The following CUL2 variants were observed in gnomAD, a reference collection of about 807,000 sequenced individuals.
The protein encoded by CUL2 is cullin 2.
CUL2 carries 22 observed loss-of-function variants against 110.2 expected under a neutral mutation model. The ratio of observed to expected loss-of-function variants is 0.20; its 90% CI spans 0.14 to 0.28. CUL2 has a LOEUF of 0.28. CUL2 is among the 10% of genes least tolerant of loss of function. CUL2 has a pLI of 1.00. For missense variants in CUL2, 631 were observed against 905.5 expected (o/e 0.70, Z 3.89); for synonymous variants, 279 against 293.2 (o/e 0.95, Z 0.49).
At chr10:35,121,307 A>C (rs1034185737) in intron 1 of CUL2, among the ~76,000 whole-genome samples, 27 of 152,138 alleles carry the variant, frequency 1.8e-4, no homozygotes, top group Non-Finnish European at 3.2e-4. Flanking sequence ...AGCTCACTGC[A>C]ACCCCCGCCT....
At chr10:35,090,364 G>A (rs1433085300), upstream of CUL2, 2 of 152,330 alleles carry the variant, frequency 1.3e-5, no homozygotes, top group Non-Finnish European at 2.9e-5. Context: ...GCCGGCCGCC[G>A]CCACCGGCCC....
At chr10:35,044,934 T>A (rs998318092) in intron 6 of CUL2, 66 bp from the exon 7 acceptor site, 1 of 1,075,082 alleles carries the variant, frequency 9.3e-7, no homozygotes, top group African/African-American at 1.6e-5. Flanking sequence ...ATACCCAAAA[T>A]ATGCCAAAAT....
At chr10:35,033,572 TA>T (rs1401349172) in intron 10 of CUL2, among the ~76,000 whole-genome samples, 1 of 151,630 alleles carries the variant, frequency 6.6e-6, no homozygotes, top group East Asian at 1.9e-4. Context: ...CCGTCTCTAC[TA>T]AAAATACAAA....
intron 1 of CUL2, among the ~76,000 whole-genome samples, chr10:35,121,733 C>T: frequency 6.6e-6 from 1 of 151,542 alleles, no homozygotes. Context: ...TTGCTTGAGC[C>T]CGGGAGGTCG....
chr10:35,102,884 GAA>G lies in CUL2; in HGVS notation c.-50-1826_-50-1825del, dbSNP rs750018715. ...GGCAATAGAGTGAGACTCTGTCTCA[GAA>G]AAAAAAAAAAAAAATTTTAAGAAGA... On this transcript the variant is annotated intron_variant, in intron 1 of 5. Transcript: ENST00000685421. 2.8e-3 allele frequency among the ~76,000 whole-genome samples: 303 copies of G among 108,478 alleles called. 3 individuals are homozygous for G. The highest frequency in any genetic ancestry group is 9.5e-3 in the African/African-American group (291 of 30,706). 71.2% of individuals were successfully genotyped at this position (108,478 alleles called of 152,430 possible). A position where few individuals can be genotyped will look rare whatever the true frequency, so the allele number is the denominator to read the frequency against.
chr10:35,028,997 A>C, intron 15 of CUL2, 110 bp from the exon 16 acceptor site: 1 of 647,744 alleles, frequency 1.5e-6, no homozygotes, highest in Non-Finnish European at 2.6e-6. Context: ...CTTCCTCAAA[A>C]TGTTGATGAA....
chr10:35,079,427 G>T (rs1405426855), intron 1 of CUL2, among the ~76,000 whole-genome samples: 1 of 152,200 alleles, frequency 6.6e-6, no homozygotes, highest in Non-Finnish European at 1.5e-5. Flanking sequence ...CGTCTCTGGG[G>T]ATCCCTTGCT....
chr10:35,016,361 T>A lies in CUL2; in HGVS notation c.1718A>T (p.Tyr573Phe). The change falls in exon 18 of 21, where the codon TAT becomes TTT. Residue 573 changes from tyrosine (Y) to phenylalanine (F), a missense_variant. This residue lies in a region of CUL2 where 134 missense variants were observed against 260.4 expected (regional missense o/e 0.51). Coordinates refer to ENST00000374749, the MANE Select transcript of CUL2 (RefSeq NM_003591.4). ...TTGGTATGTTGTAACCATGGCTACA[T>A]ATGGTTTGCCCAAATAGTTCATTTT... The part of the protein sequence containing the change: ...EVKMNYLGKP[Y>F]VAMVTTYQMA... 6.2e-7 allele frequency: 1 copy of A among 1,612,774 alleles called. No homozygotes were observed. The highest frequency in any genetic ancestry group is 1.3e-5 in the African/African-American group (1 of 75,064).
chr10:35,039,342 A>C (rs2085716897), intron 8 of CUL2, among the ~76,000 whole-genome samples: 1 of 152,236 alleles, frequency 6.6e-6, no homozygotes, highest in Non-Finnish European at 1.5e-5. Context: ...TCATTTACCT[A>C]CACCATTCAT....
intron 5 of CUL2, among the ~76,000 whole-genome samples, chr10:35,053,908 G>C (rs966447764): frequency 6.6e-6 from 1 of 152,144 alleles, no homozygotes; most frequent in African/African-American, 2.4e-5. Flanking sequence ...CAATAAAGAT[G>C]TATTAAATGA....
At chr10:35,033,550 C>T (rs1016660757) in intron 10 of CUL2, among the ~76,000 whole-genome samples, 4 of 151,908 alleles carry the variant, frequency 2.6e-5, no homozygotes, top group African/African-American at 9.7e-5. Context: ...TCCTGGCCAA[C>T]ACGGTGAAAC....
At chr10:35,033,691 C>A (rs976419355) in intron 10 of CUL2, among the ~76,000 whole-genome samples, 1 of 151,016 alleles carries the variant, frequency 6.6e-6, no homozygotes, top group South Asian at 2.1e-4. Context: ...GAGCAGAGAT[C>A]GCACCACTGC....
At chr10:35,084,920 C>G (rs748195914) in intron 1 of CUL2, among the ~76,000 whole-genome samples, 1 of 152,006 alleles carries the variant, frequency 6.6e-6, no homozygotes, top group Non-Finnish European at 1.5e-5. Context: ...GAGTTCAAGA[C>G]CAGCCTGGCC....
intron 11 of CUL2, among the ~76,000 whole-genome samples, chr10:35,032,936 T>C (rs2085514729): frequency 6.6e-6 from 1 of 152,108 alleles, no homozygotes. Context: ...ACATATCAGA[T>C]TAAAAATTCC....
In CUL2 at chr10:35,070,645, C is replaced by T. The variant is rs1481319785; in HGVS notation, c.119+554G>A. Among the ~76,000 whole-genome samples, 11 of 152,240 alleles carry T rather than the reference C, an allele frequency of 7.2e-5. No individual in the cohort carries two copies. In the East Asian group the frequency reaches 1.9e-3, roughly 27 times the overall value. On this transcript the variant is annotated intron_variant, in intron 2 of 20. Coordinates refer to ENST00000374749, the MANE Select transcript of CUL2 (RefSeq NM_003591.4). ...CATGTAGGCAATCTAATGAAAAACA[C>T]ACTTCCACCCCAGTCACTGAACTTG...
chr10:35,069,438 G>A (rs1304510035), intron 2 of CUL2, among the ~76,000 whole-genome samples: 1 of 152,074 alleles, frequency 6.6e-6, no homozygotes, highest in African/African-American at 2.4e-5. Context: ...CTACTCAGGA[G>A]GCTGAGATAG....
chr10:35,031,278 C>G lies in CUL2; in HGVS notation c.1386+22G>C. The stretch of plus-strand genomic sequence containing the variant: ...TTGTGAATGAATTTCTAGGACAATA[C>G]CACATTAAAGACTTACATTACCTTT... On this transcript the variant is annotated intron_variant, in intron 14 of 20. Coordinates refer to ENST00000374749, the MANE Select transcript of CUL2 (RefSeq NM_003591.4). The surrounding 1 kb of genome is among the most constrained non-coding windows in gnomAD (Gnocchi z 4.4). The G allele has an allele frequency of 1.4e-6, 2 of 1,446,558 alleles. No homozygotes were observed. Among genetic ancestry groups the G allele is most frequent in the Non-Finnish European group, 1.9e-6 (2 of 1,049,642 alleles). The allele number at this position is 1,446,558 out of a possible 1,614,324, so 89.6% of individuals were successfully genotyped here. A position where few individuals can be genotyped will look rare whatever the true frequency, so the allele number is the denominator to read the frequency against.
At chr10:35,044,049 T>TC (rs1230391892) in intron 8 of CUL2, among the ~76,000 whole-genome samples, 186 of 78,930 alleles carry the variant, frequency 2.4e-3, no homozygotes, top group South Asian at 5.2e-3. Context: ...AGACCACATC[T>TC]CCAAAAAAAA....
chr10:35,069,573 A>C (rs2086628790), intron 2 of CUL2, among the ~76,000 whole-genome samples: 1 of 152,010 alleles, frequency 6.6e-6, no homozygotes, highest in Admixed American at 6.6e-5. Context: ...AAAAAAGGAT[A>C]ACTAAACCAT....
Sources: gnomAD v4.1 joint callset for allele counts (sites outside exome capture counted in the v4.1 genomes callset) on GRCh38, gnomAD v4.1.1 for gene constraint, gnomAD v4.1.1 regional missense constraint, Gnocchi (gnomAD v3.1) non-coding constraint, MANE v1.5 for transcripts, NCBI Gene and HGNC (gene_info 2026-07-23, HGNC 2026-07-21) for gene names.